Variants in C2CD5 observed in about 807,000 individuals in gnomAD.
The protein encoded by C2CD5 is C2 calcium dependent domain containing 5.
Under a neutral mutation model 130.3 loss-of-function variants are expected in C2CD5, and 109 were observed. That is an observed-to-expected ratio of 0.84 (90% CI 0.72 to 0.98). C2CD5 has a LOEUF of 0.98. Ranked by LOEUF, C2CD5 falls within the 50% of genes least tolerant of loss-of-function variation. The pLI is 0.00. For missense variants in C2CD5, 996 were observed against 1,261.8 expected, an observed-to-expected ratio of 0.79 and a Z score of 3.19; for synonymous variants, 454 against 429.2, an observed-to-expected ratio of 1.06 and a Z score of -0.71.
chr12:22,534,140 A>T (rs1168955713), intron 3 of C2CD5, among the ~76,000 whole-genome samples: 3 of 152,214 alleles, frequency 2.0e-5, no homozygotes, highest in Non-Finnish European at 4.4e-5. Flanking sequence ...GTGAGCCAAG[A>T]TCGCACCATT....
intron 10 of C2CD5, among the ~76,000 whole-genome samples, chr12:22,501,951 C>T (rs555620544): frequency 1.3e-5 from 2 of 152,124 alleles, no homozygotes; most frequent in South Asian, 4.1e-4. Flanking sequence ...CTTTAGGCAA[C>T]ATACCAGCTT....
In C2CD5 at chr12:22,525,626, T is replaced by C. The variant is rs780570822; in HGVS notation, c.429A>G (p.Gly143=). 9 of 1,541,290 alleles carry C rather than the reference T, an allele frequency of 5.8e-6. No homozygotes were observed. In the South Asian group the frequency reaches 1.0e-4, roughly 17 times the overall value. ...TTTACTTACTGCAAAAGAATTTGAC[T>C]CCACATGATGACTGCCTAAATCGAT... The part of the protein sequence containing the change: ...DLNRFRQSSC[G]VKFFCTTSIP... The change falls in exon 5 of 27, where the codon GGA becomes GGG. Residue 143 remains glycine (G), a synonymous_variant. Transcript: ENST00000446597.
Position 22,544,081 on chromosome 12 carries a change from G to A in C2CD5, c.70C>T (p.Leu24=). The part of the protein sequence containing the change: ...HLPVMDRASD[L]TDAFVEVKFG... ...CCAACCTCCACGAAGGCATCAGTCA[G>A]GTCACTAGCACGGTCCATCACTGGC... Residue 24 remains leucine (L), a synonymous_variant, in exon 2 of 27, where the codon CTG becomes TTG. Transcript: ENST00000446597. 3 of 1,613,570 alleles carry A rather than the reference G, an allele frequency of 1.9e-6. No homozygotes were observed. The highest frequency in any genetic ancestry group is 2.5e-6 in the Non-Finnish European group (3 of 1,179,572).
In C2CD5 at chr12:22,478,387, G is replaced by A. The variant is rs1244874524; in HGVS notation, c.1828C>T (p.His610Tyr). 1 of 1,611,170 alleles carries A rather than the reference G, an allele frequency of 6.2e-7. No individual in the cohort carries two copies. Among genetic ancestry groups the A allele is most frequent in the Admixed American group, 1.7e-5 (1 of 60,008 alleles). Residue 610 changes from histidine (H) to tyrosine (Y), a missense_variant, in exon 15 of 27, where the codon CAC becomes TAC. Physicochemically the swap from His to Tyr is moderately conservative, Grantham distance 83. This residue lies in a region of C2CD5 where 590 missense variants were observed against 631.4 expected (regional missense o/e 0.93). Coordinates refer to ENST00000446597, the MANE Select transcript of C2CD5 (RefSeq NM_001286176.2). ...ATCTTCTTCTGCATATGAGAGATGT[G>A]TTGTTCATATGAGCCATCATTAGGA... ...KTPNDGSYEQ[H>Y]ISHMQKKIND...
At chr12:22,506,904 T>C (rs933176727) in intron 9 of C2CD5, 85 bp from the exon 10 acceptor site, 4 of 776,114 alleles carry the variant, frequency 5.2e-6, no homozygotes, top group Non-Finnish European at 9.3e-6. Context: ...CCATAGCAAC[T>C]GTATTACATC....
chr12:22,521,563 G>A (rs1035994841), intron 7 of C2CD5, among the ~76,000 whole-genome samples: 1 of 152,140 alleles, frequency 6.6e-6, no homozygotes, highest in Non-Finnish European at 1.5e-5. Flanking sequence ...ATTTGCTACA[G>A]AGAGAGGGAA....
chr12:22,475,382 A>C (rs1437057678), intron 15 of C2CD5, among the ~76,000 whole-genome samples: 1 of 152,218 alleles, frequency 6.6e-6, no homozygotes, highest in African/African-American at 2.4e-5. Context: ...ATATACTTAT[A>C]CTATGCACAT....
chr12:22,530,621 C>A (rs1414838231), intron 3 of C2CD5, among the ~76,000 whole-genome samples: 1 of 151,858 alleles, frequency 6.6e-6, no homozygotes, highest in Non-Finnish European at 1.5e-5. Flanking sequence ...CCACACCCGG[C>A]TAATTTTTGT....
intron 10 of C2CD5, among the ~76,000 whole-genome samples, chr12:22,498,836 TCCAGAAGCTATCTC>T (rs1234243009): frequency 6.6e-6 from 1 of 152,174 alleles, no homozygotes; most frequent in Non-Finnish European, 1.5e-5. Context: ...TTTGTCTACG[TCCAGAAGCTATCTC>T]CCACTAATAA....
At chr12:22,529,113 G>A (rs1204935698) in intron 3 of C2CD5, among the ~76,000 whole-genome samples, 2 of 152,038 alleles carry the variant, frequency 1.3e-5, no homozygotes, top group African/African-American at 4.8e-5. Context: ...GGCAAAACAA[G>A]AACAGTAGAA....
chr12:22,518,188 G>A (rs374780811), intron 7 of C2CD5, 51 bp from the exon 8 acceptor site: 3 of 1,555,470 alleles, frequency 1.9e-6, no homozygotes, highest in Non-Finnish European at 1.8e-6. Flanking sequence ...CAAAGGACTT[G>A]ACAGGTGGCA....
intron 10 of C2CD5, among the ~76,000 whole-genome samples, chr12:22,503,076 T>C (rs556299061): frequency 1.3e-5 from 2 of 152,252 alleles, no homozygotes; most frequent in Non-Finnish European, 2.9e-5. Flanking sequence ...TGCTCAATAT[T>C]TACCAAAGGA....
intron 8 of C2CD5, among the ~76,000 whole-genome samples, chr12:22,517,059 T>C: frequency 6.6e-6 from 1 of 151,978 alleles, no homozygotes. Flanking sequence ...AAAATGATCT[T>C]TCCTTAGAAG....
intron 9 of C2CD5, among the ~76,000 whole-genome samples, chr12:22,509,331 G>T (rs1016522521): frequency 6.6e-6 from 1 of 152,056 alleles, no homozygotes; most frequent in African/African-American, 2.4e-5. Context: ...ATGAATAAAT[G>T]AACCTAAATG....
chr12:22,459,637 A>T, intron 22 of C2CD5, 95 bp from the exon 23 acceptor site: 1 of 683,302 alleles, frequency 1.5e-6, no homozygotes, highest in South Asian at 2.0e-5. Flanking sequence ...AGCCAGAAGA[A>T]TAGGAGGAAA....
intron 26 of C2CD5, among the ~76,000 whole-genome samples, chr12:22,451,750 G>C (rs1413870881): frequency 1.3e-5 from 2 of 151,940 alleles, no homozygotes; most frequent in African/African-American, 4.8e-5. Flanking sequence ...TCTACCTCTT[G>C]GGCATGTTAG....
chr12:22,475,888 G>T (rs1450942472), intron 15 of C2CD5, among the ~76,000 whole-genome samples: 11 of 152,192 alleles, frequency 7.2e-5, no homozygotes, highest in Admixed American at 2.0e-4. Flanking sequence ...TGGAAAACTA[G>T]CAAGTGTAGA....
At chr12:22,480,737 T>C (rs551368608) in intron 14 of C2CD5, among the ~76,000 whole-genome samples, 3 of 152,302 alleles carry the variant, frequency 2.0e-5, no homozygotes, top group Admixed American at 1.3e-4. Context: ...TCACTAGGCA[T>C]ACAAATTTTT....
intron 2 of C2CD5, 36 bp downstream of exon 2, chr12:22,544,025 C>G: frequency 6.7e-7 from 1 of 1,489,510 alleles, no homozygotes; most frequent in Non-Finnish European, 9.4e-7. Flanking sequence ...GGGCTTGGCG[C>G]TCCCTGTGTT....
Sources: allele counts gnomAD v4.1 joint callset (sites outside exome capture counted in the v4.1 genomes callset), GRCh38; gene constraint gnomAD v4.1.1; regional missense constraint gnomAD v4.1.1; transcripts MANE v1.5; gene names NCBI Gene and HGNC (gene_info 2026-07-23, HGNC 2026-07-21).